The following GRID2 variants were observed in gnomAD, a reference collection of about 807,000 sequenced individuals.
GRID2 encodes the protein glutamate ionotropic receptor delta type subunit 2.
Under a neutral mutation model 114.8 loss-of-function variants are expected in GRID2, and 33 were observed. That is an observed-to-expected ratio of 0.29 (90% CI 0.22 to 0.38). The LOEUF (loss-of-function observed/expected upper bound fraction) is 0.38, where lower values mean the gene tolerates loss of function less well. Among genes scored for constraint, GRID2 ranks in the 10% least tolerant of loss-of-function variants. GRID2 has a pLI of 1.00. For missense variants in GRID2, 1,184 were observed against 1,257.7 expected, an observed-to-expected ratio of 0.94 and a Z score of 0.89; for synonymous variants, 505 against 449.9, an observed-to-expected ratio of 1.12 and a Z score of -1.55.
intron 4 of GRID2, among the ~76,000 whole-genome samples, chr4:93,126,500 C>G (rs1237865073): frequency 6.7e-6 from 1 of 149,558 alleles, no homozygotes; most frequent in Non-Finnish European, 1.5e-5. Context: ...CTGCCTGTAC[C>G]TAGTAGATGT....
intron 8 of GRID2, among the ~76,000 whole-genome samples, chr4:93,281,261 A>G (rs1215474052): frequency 6.6e-6 from 1 of 151,772 alleles, no homozygotes; most frequent in Non-Finnish European, 1.5e-5. Flanking sequence ...TGATCAGAGG[A>G]AAATACTTGA....
At chr4:93,739,983 T>A (rs1308747839) in intron 14 of GRID2, among the ~76,000 whole-genome samples, 1 of 152,190 alleles carries the variant, frequency 6.6e-6, no homozygotes, top group East Asian at 1.9e-4. Context: ...AGACAAATTT[T>A]AAGTTACCCT....
chr4:92,824,193 TGA>T (rs1741506373), intron 2 of GRID2, among the ~76,000 whole-genome samples: 1 of 152,316 alleles, frequency 6.6e-6, no homozygotes, highest in East Asian at 1.9e-4. Flanking sequence ...CTGCTTAGGC[TGA>T]GGTTCTCTTC....
At chr4:92,718,605 T>A (rs1735659396) in intron 2 of GRID2, among the ~76,000 whole-genome samples, 1 of 151,832 alleles carries the variant, frequency 6.6e-6, no homozygotes, top group Non-Finnish European at 1.5e-5. Flanking sequence ...CTCTGCAATT[T>A]TTTTTTAAAC....
chr4:93,601,700 C>T (rs566137753), intron 13 of GRID2, among the ~76,000 whole-genome samples: 1 of 152,250 alleles, frequency 6.6e-6, no homozygotes, highest in East Asian at 1.9e-4. Context: ...TCTATTCTTC[C>T]TTTGTTCCTC....
At chr4:93,618,009 A>G (rs888930074) in intron 13 of GRID2, among the ~76,000 whole-genome samples, 2 of 152,174 alleles carry the variant, frequency 1.3e-5, no homozygotes, top group African/African-American at 2.4e-5. Context: ...CCCATTGCCA[A>G]AAACCTGGAT....
chr4:93,508,170 A>G (rs1728827398), intron 12 of GRID2, among the ~76,000 whole-genome samples: 1 of 151,228 alleles, frequency 6.6e-6, no homozygotes, highest in African/African-American at 2.4e-5. Context: ...AATAAAATAA[A>G]AAAGTTTTAG....
At chr4:92,752,274 C>T (rs980545061) in intron 2 of GRID2, among the ~76,000 whole-genome samples, 2 of 152,078 alleles carry the variant, frequency 1.3e-5, no homozygotes. Context: ...TTTCACTTTT[C>T]CATAGTATTT....
intron 11 of GRID2, among the ~76,000 whole-genome samples, chr4:93,472,006 T>A (rs373260071): frequency 6.6e-6 from 1 of 151,114 alleles, no homozygotes; most frequent in East Asian, 2.0e-4. Context: ...AGCCTTGAAT[T>A]TAATATTTTA....
intron 14 of GRID2, among the ~76,000 whole-genome samples, chr4:93,685,933 G>A (rs1214670863): frequency 1.3e-5 from 2 of 152,156 alleles, no homozygotes; most frequent in East Asian, 3.9e-4. Flanking sequence ...ACAGGGGAGA[G>A]AGGCTGTGAG....
At chr4:93,433,731 A>G (rs1720802529) in intron 10 of GRID2, among the ~76,000 whole-genome samples, 1 of 152,196 alleles carries the variant, frequency 6.6e-6, no homozygotes, top group Admixed American at 6.5e-5. Context: ...GCTAATGTCA[A>G]TAGAACTTTC....
rs892949208 is a variant in GRID2 at position 92,676,412 on chromosome 4, C to A, written c.244+86126C>A. ...AGCCAGGATGGTCTCGATCTTCTGA[C>A]CTCATGATCTGCCTGCCTCAGCCTC... On this transcript the variant is annotated intron_variant, in intron 2 of 15. Coordinates refer to ENST00000282020, the MANE Select transcript of GRID2 (RefSeq NM_001510.4). Among the ~76,000 whole-genome samples, 3 of 151,510 alleles carry A rather than the reference C, an allele frequency of 2.0e-5. No homozygotes were observed. The South Asian group carries it at 6.3e-4, about 32-fold the overall frequency.
chr4:93,104,547 A>G (rs536396101), intron 3 of GRID2, among the ~76,000 whole-genome samples: 2 of 151,840 alleles, frequency 1.3e-5, no homozygotes, highest in Admixed American at 6.6e-5. Flanking sequence ...TATGAGTGAG[A>G]ACATGCGGTG....
At chr4:92,915,792 T>C (rs2075482403) in intron 2 of GRID2, among the ~76,000 whole-genome samples, 1 of 152,192 alleles carries the variant, frequency 6.6e-6, no homozygotes, top group Non-Finnish European at 1.5e-5. Context: ...ATTCTGGTTT[T>C]GATTTGCATT....
At chr4:93,101,023 T>G (rs1251329067) in intron 3 of GRID2, among the ~76,000 whole-genome samples, 3 of 152,040 alleles carry the variant, frequency 2.0e-5, no homozygotes, top group African/African-American at 7.2e-5. Context: ...ATATACTCCA[T>G]GAGGGCAAGA....
rs531383847 is a variant in GRID2 at position 92,434,454 on chromosome 4, C to T, written c.88+129710C>T. On this transcript the variant is annotated intron_variant, in intron 1 of 15. Transcript: ENST00000282020. Reference sequence around the variant, plus strand: ...ATTCGGAATTCTGCTGTTTTCCTTGCGCCTATGGTAAATTCTAATGTCAGT... The same window carrying T: ...ATTCGGAATTCTGCTGTTTTCCTTGTGCCTATGGTAAATTCTAATGTCAGT... Among the ~76,000 whole-genome samples the T allele has an allele frequency of 9.9e-5, 15 of 152,184 alleles. No homozygotes were observed. The South Asian group carries it at 2.7e-3, about 27-fold the overall frequency.
intron 1 of GRID2, among the ~76,000 whole-genome samples, chr4:92,547,876 A>G (rs1726346942): frequency 6.6e-6 from 1 of 152,210 alleles, no homozygotes; most frequent in Non-Finnish European, 1.5e-5. Context: ...TATTGGCAAC[A>G]TAGTTGAAGG....
intron 14 of GRID2, among the ~76,000 whole-genome samples, chr4:93,709,816 T>C (rs537122082): frequency 6.6e-6 from 1 of 152,330 alleles, no homozygotes; most frequent in Admixed American, 6.5e-5. Context: ...ATCTTCAAGC[T>C]CATTCATTCT....
intron 2 of GRID2, among the ~76,000 whole-genome samples, chr4:92,805,646 T>C (rs907102801): frequency 6.6e-6 from 1 of 151,950 alleles, no homozygotes; most frequent in Non-Finnish European, 1.5e-5. Flanking sequence ...TAAAGGAAGA[T>C]GATTTGCTTG....
Sources: allele counts gnomAD v4.1 joint callset (sites outside exome capture counted in the v4.1 genomes callset), GRCh38; gene constraint gnomAD v4.1.1; transcripts MANE v1.5; gene names NCBI Gene and HGNC (gene_info 2026-07-23, HGNC 2026-07-21).